PCDHGB1: variants seen among roughly 807,000 people sequenced by gnomAD.
The protein encoded by PCDHGB1 is protocadherin gamma subfamily B, 1.
In PCDHGB1, 34 loss-of-function variants were observed where a neutral mutation model predicts 56.6. The observed-to-expected ratio is 0.60, with a 90% CI of 0.46 to 0.80. The LOEUF (loss-of-function observed/expected upper bound fraction) is 0.80, where lower values mean the gene tolerates loss of function less well. Among genes scored for constraint, PCDHGB1 ranks in the 30% least tolerant of loss-of-function variants. PCDHGB1 has a pLI of 0.00. For synonymous variants in PCDHGB1, 561 were observed against 505.9 expected, an observed-to-expected ratio of 1.11 and a Z score of -1.46; for missense variants, 1,278 against 1,204.6, an observed-to-expected ratio of 1.06 and a Z score of -0.90.
chr5:141,474,961 A>G (rs1395755491), intron 1 of PCDHGB1, among the ~76,000 whole-genome samples: 1 of 152,254 alleles, frequency 6.6e-6, no homozygotes, highest in South Asian at 2.1e-4. Flanking sequence ...TCACTATCCT[A>G]ATCATTATAA....
chr5:141,428,454 C>A, intron 1 of PCDHGB1: 1 of 365,394 alleles, frequency 2.7e-6, no homozygotes, highest in Non-Finnish European at 5.2e-6. Context: ...TTTTTCCCAA[C>A]TACAATGAGG....
At position 141,491,591 on chromosome 5, in the gene PCDHGB1, G is replaced by A. The variant is rs969259993; in HGVS notation, c.2410-3216G>A. 22 of 1,613,862 alleles carry A rather than the reference G, an allele frequency of 1.4e-5. No individual in the cohort carries two copies. The highest frequency in any genetic ancestry group is 1.8e-5 in the Non-Finnish European group (21 of 1,180,048). ...ACGTGCTTTTCACCGGCCTCGGACG[G>A]CAGTGACTTCACTTTTCTAAGACCC... On this transcript the variant is annotated intron_variant, in intron 1 of 3. Coordinates refer to ENST00000523390, the MANE Select transcript of PCDHGB1 (RefSeq NM_018922.3). This position sits in a 1 kb window ranked among gnomAD's most constrained non-coding sequence, Gnocchi z 6.9.
rs1273620361 is a variant in PCDHGB1, at chr5:141,486,809, A to G, written c.2410-7998A>G. 1 of 1,614,106 alleles carries G rather than the reference A, an allele frequency of 6.2e-7. No homozygotes were observed. The highest frequency in any genetic ancestry group is 1.3e-5 in the African/African-American group (1 of 74,936). On this transcript the variant is annotated intron_variant, in intron 1 of 3. Coordinates refer to ENST00000523390, the MANE Select transcript of PCDHGB1 (RefSeq NM_018922.3). This position sits in a 1 kb window ranked among gnomAD's most constrained non-coding sequence, Gnocchi z 5.0. ...CCGGGATCGGGGCAACCCACCCCTT[A>G]GCAGCACTGTAACAGTTCGTCTATT...
chr5:141,411,299 G>C (rs1020908131), intron 1 of PCDHGB1: 1 of 152,284 alleles, frequency 6.6e-6, no homozygotes, highest in Non-Finnish European at 1.5e-5. Context: ...GACAGGCCCA[G>C]TGGCTCACAC....
chr5:141,374,154 G>A (rs376984494), intron 1 of PCDHGB1: 19 of 1,611,790 alleles, frequency 1.2e-5, no homozygotes, highest in East Asian at 2.2e-5. Flanking sequence ...GGGACGCTGT[G>A]GGGGGCCGCG....
rs1487863444 is a variant in PCDHGB1 at position 141,491,016 on chromosome 5, G to A, written c.2410-3791G>A. On this transcript the variant is annotated intron_variant, in intron 1 of 3. Transcript: ENST00000523390. This position sits in a 1 kb window ranked among gnomAD's most constrained non-coding sequence, Gnocchi z 6.9. ...CTCCTGGCTCCTTGGTCACCAAGGTGACAGCCGTGGATGCTGATGCAGGCC... is the reference window on the plus strand; with the variant it reads ...CTCCTGGCTCCTTGGTCACCAAGGTAACAGCCGTGGATGCTGATGCAGGCC... 2.5e-6 allele frequency: 4 copies of A among 1,614,136 alleles called. No individual in the cohort carries two copies. The African/African-American group carries it at 5.3e-5, about 22-fold the overall frequency.
At chr5:141,472,855 A>C (rs1179268125) in intron 1 of PCDHGB1, among the ~76,000 whole-genome samples, 3 of 151,078 alleles carry the variant, frequency 2.0e-5, no homozygotes, top group African/African-American at 7.3e-5. Flanking sequence ...GCATGGTGGC[A>C]CATGCCTGTA....
rs540403118 is a variant in PCDHGB1, at chr5:141,365,112, T to C, written c.2409+12443T>C. The C allele has an allele frequency of 6.2e-6, 10 of 1,613,770 alleles. No individual in the cohort carries two copies. The highest frequency in any genetic ancestry group is 7.6e-6 in the Non-Finnish European group (9 of 1,179,884). On this transcript the variant is annotated intron_variant, in intron 1 of 3. Coordinates refer to ENST00000523390, the MANE Select transcript of PCDHGB1 (RefSeq NM_018922.3). ...GAGAACATACCTGTGGGCACTCGGC[T>C]GCTCATGCTAACCGCCACGGATCCA...
At chr5:141,390,458 G>A (rs1037400063) in intron 1 of PCDHGB1, 7 of 754,546 alleles carry the variant, frequency 9.3e-6, no homozygotes, top group Non-Finnish European at 1.5e-5. Context: ...AGTAAAGTAG[G>A]AGCAATTGTG....
chr5:141,371,971 G>C, intron 1 of PCDHGB1: 1 of 1,612,438 alleles, frequency 6.2e-7, no homozygotes, highest in Non-Finnish European at 8.5e-7. Flanking sequence ...GAGCAGCTGC[G>C]TGCCTTCGAG....
At chr5:141,422,141 G>A (rs1441509284) in intron 1 of PCDHGB1, 9 of 1,583,068 alleles carry the variant, frequency 5.7e-6, no homozygotes, top group Middle Eastern at 1.7e-4. Context: ...GTTCAAGTAC[G>A]GGGGTCTCTG....
At chr5:141,421,185 C>T in intron 1 of PCDHGB1, 1 of 1,463,494 alleles carries the variant, frequency 6.8e-7, no homozygotes, top group Non-Finnish European at 9.1e-7. Flanking sequence ...GATTCACAAC[C>T]AACCAGCTCG....
intron 1 of PCDHGB1, chr5:141,421,219 G>T (rs894586889): frequency 1.0e-5 from 16 of 1,573,208 alleles, no homozygotes; most frequent in Non-Finnish European, 1.3e-5. Context: ...TATCGGCTTA[G>T]AGCCTGCCAT....
At chr5:141,478,215 T>C (rs764444582) in intron 1 of PCDHGB1, 11 of 1,614,118 alleles carry the variant, frequency 6.8e-6, no homozygotes. Context: ...TCTCTAATCC[T>C]GGTTTCTGTG....
chr5:141,357,715 G>A lies in PCDHGB1; in HGVS notation c.2409+5046G>A, dbSNP rs1760708169. On this transcript the variant is annotated intron_variant, in intron 1 of 3. Coordinates refer to ENST00000523390, the MANE Select transcript of PCDHGB1 (RefSeq NM_018922.3). ...TTTTATATGTAATATATCAAATAAA[G>A]TTGCCTCTTTTAATATTTTATTGCT... The A allele has an allele frequency of 2.1e-6, 3 of 1,449,624 alleles. No homozygotes were observed. In the South Asian group the frequency reaches 4.2e-5, roughly 20 times the overall value. 89.8% of individuals were successfully genotyped at this position (1,449,624 alleles called of 1,614,324 possible).
At chr5:141,445,732 A>G (rs2098475548) in intron 1 of PCDHGB1, among the ~76,000 whole-genome samples, 1 of 152,230 alleles carries the variant, frequency 6.6e-6, no homozygotes, top group African/African-American at 2.4e-5. Context: ...ATGTGTAAAG[A>G]TCTTTTTAAA....
At chr5:141,435,314 G>T (rs1490871069) in intron 1 of PCDHGB1, among the ~76,000 whole-genome samples, 6 of 152,006 alleles carry the variant, frequency 3.9e-5, no homozygotes, top group African/African-American at 9.7e-5. Flanking sequence ...AATCATTCAT[G>T]AACTTCCAAA....
At chr5:141,496,768 A>G (rs997951321) in intron 2 of PCDHGB1, among the ~76,000 whole-genome samples, 10 of 152,260 alleles carry the variant, frequency 6.6e-5, no homozygotes, top group African/African-American at 2.4e-4. Context: ...TCGAGCATCT[A>G]CTATGAGCAG....
chr5:141,379,614 A>G (rs947547089), intron 1 of PCDHGB1: 1 of 152,204 alleles, frequency 6.6e-6, no homozygotes, highest in African/African-American at 2.4e-5. Context: ...TTTCATTTAA[A>G]CAAATAAAAT....
Sources: allele counts gnomAD v4.1 joint callset (sites outside exome capture counted in the v4.1 genomes callset), GRCh38; gene constraint gnomAD v4.1.1; non-coding constraint Gnocchi (gnomAD v3.1); transcripts MANE v1.5; gene names NCBI Gene and HGNC (gene_info 2026-07-23, HGNC 2026-07-21).